The following SLC44A3 variants were observed in gnomAD, a reference collection of about 807,000 sequenced individuals.
The protein encoded by SLC44A3 is solute carrier family 44 member 3.
SLC44A3 carries 74 observed loss-of-function variants against 75.4 expected under a neutral mutation model. The observed-to-expected ratio is 0.98, with a 90% CI of 0.81 to 1.19. The LOEUF (loss-of-function observed/expected upper bound fraction) is 1.19. Ranked by LOEUF, SLC44A3 falls within the 50% of genes most tolerant of loss-of-function variation. The pLI, the probability that SLC44A3 is intolerant of heterozygous loss-of-function variation, is 0.00. For missense variants in SLC44A3, 700 were observed against 778.6 expected (o/e 0.90, Z 1.20); for synonymous variants, 310 against 296.9 (o/e 1.04, Z -0.45).
chr1:94,867,249 C>T, intron 11 of SLC44A3, 82 bp from the exon 12 acceptor site: 1 of 1,255,444 alleles, frequency 8.0e-7, no homozygotes, highest in Non-Finnish European at 1.1e-6. Flanking sequence ...TAAGTAAAAA[C>T]TGTGTTTCCT....
Position 94,891,183 on chromosome 1 carries a change from A to G in SLC44A3, c.1536A>G (p.Lys512=). The G allele has an allele frequency of 6.2e-7, 1 of 1,613,522 alleles. No individual in the cohort carries two copies. Among genetic ancestry groups the G allele is most frequent in the South Asian group, 1.1e-5 (1 of 91,044 alleles). Reference sequence around the variant, plus strand: ...GGACAGATTTCTGTACATCAGCAAAAGATGCATTCAAAATCTTGTCCAAGA... The same window carrying G: ...GGACAGATTTCTGTACATCAGCAAAGGATGCATTCAAAATCTTGTCCAAGA... ...INGTDFCTSA[K]DAFKILSKNS... The change falls in exon 13 of 15, where the codon AAA becomes AAG. Residue 512 remains lysine, a synonymous_variant. Coordinates refer to ENST00000271227, the MANE Select transcript of SLC44A3 (RefSeq NM_001114106.3).
chr1:94,854,532 G>A (rs1665612798), intron 9 of SLC44A3, among the ~76,000 whole-genome samples: 1 of 152,208 alleles, frequency 6.6e-6, no homozygotes, highest in South Asian at 2.1e-4. Flanking sequence ...CAACTGTCAT[G>A]TGATGAGGGG....
intron 3 of SLC44A3, among the ~76,000 whole-genome samples, chr1:94,826,106 G>A (rs1005059931): frequency 1.3e-5 from 2 of 152,236 alleles, no homozygotes; most frequent in Non-Finnish European, 2.9e-5. Context: ...CCCTGAGGAT[G>A]TCATGCCAAG....
intron 10 of SLC44A3, among the ~76,000 whole-genome samples, chr1:94,859,862 TG>T (rs564729219): frequency 1.0e-3 from 157 of 152,336 alleles, no homozygotes; most frequent in African/African-American, 3.6e-3. Flanking sequence ...GGTTAGAGGA[TG>T]CTTTTGTGGA....
intron 9 of SLC44A3, among the ~76,000 whole-genome samples, chr1:94,851,592 C>T (rs957002656): frequency 2.6e-5 from 4 of 152,244 alleles, no homozygotes; most frequent in Non-Finnish European, 4.4e-5. Context: ...CAGGGAATAA[C>T]ATCACATCAG....
chr1:94,840,070 C>T (rs758511218), intron 7 of SLC44A3, 33 bp downstream of exon 7: 46 of 1,562,908 alleles, frequency 2.9e-5, no homozygotes, highest in Middle Eastern at 1.7e-4. Flanking sequence ...GATTTCTTTT[C>T]GATTAAATGA....
intron 12 of SLC44A3, among the ~76,000 whole-genome samples, chr1:94,883,404 G>T (rs1232259631): frequency 1.3e-5 from 2 of 152,146 alleles, no homozygotes; most frequent in African/African-American, 4.8e-5. Flanking sequence ...TCGGGAGGCT[G>T]AAGTGGGAGA....
chr1:94,868,460 T>G (rs1234088417), intron 12 of SLC44A3, among the ~76,000 whole-genome samples: 1 of 152,168 alleles, frequency 6.6e-6, no homozygotes, highest in Non-Finnish European at 1.5e-5. Context: ...GGAGAACATT[T>G]TAGAGTATAT....
chr1:94,839,938 A>T lies in SLC44A3; in HGVS notation c.671-10A>T, dbSNP rs1663358825. 6.2e-7 allele frequency: 1 copy of T among 1,612,136 alleles called. No homozygotes were observed. On this transcript the variant is annotated splice_polypyrimidine_tract_variant and intron_variant, in intron 6 of 14. Transcript: ENST00000271227. Reference sequence around the variant, plus strand: ...CTATTGAGGTTTATGTGTTTTGCTTAATTTTTCAGCCTTGTCTTTGGCCAT... The same window carrying T: ...CTATTGAGGTTTATGTGTTTTGCTTTATTTTTCAGCCTTGTCTTTGGCCAT...
intron 10 of SLC44A3, among the ~76,000 whole-genome samples, chr1:94,857,988 A>G (rs1477468235): frequency 6.6e-6 from 1 of 151,812 alleles, no homozygotes; most frequent in Non-Finnish European, 1.5e-5. Flanking sequence ...TGATTTTTGT[A>G]TTTTTAGTAG....
chr1:94,892,372 T>C lies in SLC44A3; in HGVS notation c.1712T>C (p.Val571Ala). 3 of 1,614,204 alleles carry C rather than the reference T, an allele frequency of 1.9e-6. No homozygotes were observed. The highest frequency in any genetic ancestry group is 2.5e-6 in the Non-Finnish European group (3 of 1,180,032). The change falls in exon 14 of 15, where the codon GTA (valine) becomes GCA (alanine). Residue 571 changes from valine (V) to alanine (A), a missense_variant. Transcript: ENST00000271227. Reference protein sequence around the residue: ...FQVWAVPLLLVAFFAYLVAHS... With the variant: ...FQVWAVPLLLAAFFAYLVAHS... ...GTGTGGGCAGTCCCTCTGTTATTGG[T>C]AGCTTTTTTTGCCTACTTAGTAGCC...
At chr1:94,865,045 C>A (rs1296793154) in intron 11 of SLC44A3, 146 bp downstream of exon 11, 2 of 660,414 alleles carry the variant, frequency 3.0e-6, no homozygotes, top group Non-Finnish European at 4.8e-6. Flanking sequence ...CAGCTCCCAT[C>A]CCCCGCCTCT....
intron 12 of SLC44A3, among the ~76,000 whole-genome samples, chr1:94,881,706 A>AT (rs1347459895): frequency 2.0e-5 from 3 of 147,650 alleles, no homozygotes; most frequent in Admixed American, 1.4e-4. Context: ...TCCGTCTCAA[A>AT]AAAAAAAAAG....
intron 8 of SLC44A3, among the ~76,000 whole-genome samples, chr1:94,844,664 A>T (rs977005633): frequency 6.6e-6 from 1 of 152,074 alleles, no homozygotes; most frequent in South Asian, 2.1e-4. Context: ...GTTTCAAAAG[A>T]GTGTTGGGAT....
chr1:94,860,185 G>C (rs1050233940), intron 10 of SLC44A3, among the ~76,000 whole-genome samples: 2 of 152,176 alleles, frequency 1.3e-5, no homozygotes, highest in South Asian at 2.1e-4. Flanking sequence ...TATTATCAGA[G>C]AGAACAAAGA....
At chr1:94,890,101 C>T (rs1670043065) in intron 12 of SLC44A3, among the ~76,000 whole-genome samples, 3 of 152,160 alleles carry the variant, frequency 2.0e-5, no homozygotes, top group South Asian at 2.1e-4. Flanking sequence ...CCTCCCGCCT[C>T]GGCCTCCTAA....
rs200061627 is a variant in SLC44A3, at chr1:94,891,194, A to C, written c.1547A>C (p.Lys516Thr). 1 of 1,613,710 alleles carries C rather than the reference A, an allele frequency of 6.2e-7. No homozygotes were observed. Among genetic ancestry groups the C allele is most frequent in the East Asian group, 2.2e-5 (1 of 44,782 alleles). Residue 516 changes from lysine (K) to threonine (T), a missense_variant, in exon 13 of 15, where the codon AAA becomes ACA. Transcript: ENST00000271227. ...DFCTSAKDAF[K>T]ILSKNSSHFT... The stretch of plus-strand genomic sequence containing the variant: ...TGTACATCAGCAAAAGATGCATTCA[A>C]AATCTTGTCCAAGAACTCAAGTCAC...
intron 1 of SLC44A3, 117 bp downstream of exon 1, chr1:94,820,595 GC>G: frequency 2.1e-6 from 3 of 1,410,508 alleles, no homozygotes; most frequent in South Asian, 1.5e-5. Flanking sequence ...CGGGGATCCC[GC>G]CCCCGCTTAG....
chr1:94,890,802 G>A (rs1670120364), intron 12 of SLC44A3, among the ~76,000 whole-genome samples: 1 of 152,136 alleles, frequency 6.6e-6, no homozygotes, highest in African/African-American at 2.4e-5. Flanking sequence ...AGCCAAGATG[G>A]CACCACTGCA....
Sources: allele counts gnomAD v4.1 joint callset (sites outside exome capture counted in the v4.1 genomes callset), GRCh38; gene constraint gnomAD v4.1.1; transcripts MANE v1.5; gene names NCBI Gene and HGNC (gene_info 2026-07-23, HGNC 2026-07-21).